TRPM3: variants seen among roughly 807,000 people sequenced by gnomAD.
The protein encoded by TRPM3 is transient receptor potential cation channel subfamily M member 3, also known as long transient receptor potential channel 3.
In TRPM3, 77 loss-of-function variants were observed where a neutral mutation model predicts 181.2. The observed-to-expected ratio is 0.42, with a 90% CI of 0.35 to 0.51. The LOEUF (loss-of-function observed/expected upper bound fraction) is 0.51, where lower values mean the gene tolerates loss of function less well. TRPM3 is among the 20% of genes least tolerant of loss of function. The pLI, the probability that TRPM3 is intolerant of heterozygous loss-of-function variation, is 0.01. For synonymous variants in TRPM3, 745 were observed against 796.4 expected, an observed-to-expected ratio of 0.94 and a Z score of 1.09; for missense variants, 1,759 against 2,196.7, an observed-to-expected ratio of 0.80 and a Z score of 3.98.
chr9:71,307,514 C>A (rs943072245), intron 1 of TRPM3, among the ~76,000 whole-genome samples: 9 of 152,034 alleles, frequency 5.9e-5, no homozygotes, highest in Admixed American at 2.6e-4. Context: ...ATTTGTACCC[C>A]AAACTGCTAA....
chr9:71,119,704 G>A (rs1051471586), intron 1 of TRPM3, among the ~76,000 whole-genome samples: 3 of 152,254 alleles, frequency 2.0e-5, no homozygotes, highest in South Asian at 4.1e-4. Flanking sequence ...TTCTTTCAGG[G>A]AGACTTAGAT....
intron 1 of TRPM3, among the ~76,000 whole-genome samples, chr9:70,984,020 C>A (rs2097395003): frequency 6.6e-6 from 1 of 152,142 alleles, no homozygotes; most frequent in Non-Finnish European, 1.5e-5. Context: ...TCAGCTCCCT[C>A]AGTCCAGCTA....
At chr9:70,988,699 T>C (rs538592973) in intron 1 of TRPM3, among the ~76,000 whole-genome samples, 1 of 152,338 alleles carries the variant, frequency 6.6e-6, no homozygotes, top group African/African-American at 2.4e-5. Flanking sequence ...TCTAATCACA[T>C]GAGCCCCGTA....
chr9:70,857,053 AG>A (rs1196805181), intron 3 of TRPM3, among the ~76,000 whole-genome samples: 25 of 152,298 alleles, frequency 1.6e-4, no homozygotes, highest in African/African-American at 5.5e-4. Context: ...TGCTCTGTAA[AG>A]GGTCCTAGAA....
intron 1 of TRPM3, among the ~76,000 whole-genome samples, chr9:71,095,758 C>CAA (rs34934062): frequency 0.05 from 4,205 of 84,900 alleles, 177 homozygotes; most frequent in African/African-American, 0.11. Flanking sequence ...GACTCTGTGT[C>CAA]AAAAAAAAAA....
intron 6 of TRPM3, among the ~76,000 whole-genome samples, chr9:70,787,112 C>A (rs1271749142): frequency 6.6e-6 from 1 of 152,172 alleles, no homozygotes; most frequent in Non-Finnish European, 1.5e-5. Context: ...TCAGTTTATT[C>A]TCTGTCAATA....
intron 1 of TRPM3, among the ~76,000 whole-genome samples, chr9:70,919,719 G>T (rs2096635818): frequency 6.6e-6 from 1 of 150,384 alleles, no homozygotes; most frequent in African/African-American, 2.5e-5. Context: ...GGGAGGTGGA[G>T]ATTGCAGTGA....
chr9:71,444,748 C>G (rs2094181597), intron 1 of TRPM3, among the ~76,000 whole-genome samples: 1 of 152,186 alleles, frequency 6.6e-6, no homozygotes, highest in South Asian at 2.1e-4. Context: ...AGTCAAAACT[C>G]TTTGTTAACA....
intron 1 of TRPM3, among the ~76,000 whole-genome samples, chr9:71,195,695 A>G (rs1212171857): frequency 6.6e-6 from 1 of 151,992 alleles, no homozygotes; most frequent in African/African-American, 2.4e-5. Context: ...TAGCAAAGAT[A>G]TAGTATCAAC....
At position 71,302,482 on chromosome 9, in the gene TRPM3, T is replaced by C. The variant is rs577972568; in HGVS notation, c.183+144171A>G. On this transcript the variant is annotated intron_variant, in intron 1 of 24. Coordinates refer to the TRPM3 transcript ENST00000357533. The stretch of plus-strand genomic sequence containing the variant: ...GTAATGAGATCAAATAATTCTAAAA[T>C]GCTGTTTGATATAATTTCATTTCTC... 3.3e-5 allele frequency among the ~76,000 whole-genome samples: 5 copies of C among 152,332 alleles called. No homozygotes were observed. The South Asian group carries it at 8.3e-4, about 25-fold the overall frequency.
chr9:71,304,321 G>C (rs1416658862), intron 1 of TRPM3, among the ~76,000 whole-genome samples: 1 of 152,150 alleles, frequency 6.6e-6, no homozygotes, highest in Admixed American at 6.5e-5. Flanking sequence ...ACTAGTGTCA[G>C]CTTTGAAAAG....
chr9:71,418,703 A>G (rs987521260), intron 1 of TRPM3, among the ~76,000 whole-genome samples: 30 of 150,700 alleles, frequency 2.0e-4, no homozygotes, highest in African/African-American at 7.3e-4. Flanking sequence ...GTCTCAACTT[A>G]AAAGGATTCC....
intron 24 of TRPM3, among the ~76,000 whole-genome samples, chr9:70,552,594 A>G (rs2046733438): frequency 6.6e-6 from 1 of 152,158 alleles, no homozygotes; most frequent in African/African-American, 2.4e-5. Context: ...CCTGCTGGAG[A>G]CTGATTGTAT....
intron 1 of TRPM3, among the ~76,000 whole-genome samples, chr9:71,416,432 A>T (rs1242885510): frequency 6.6e-6 from 1 of 151,926 alleles, no homozygotes; most frequent in African/African-American, 2.4e-5. Context: ...CAAACTGCTT[A>T]AAGATATGAA....
At chr9:71,414,156 G>C (rs977256685) in intron 1 of TRPM3, among the ~76,000 whole-genome samples, 10 of 152,028 alleles carry the variant, frequency 6.6e-5, no homozygotes, top group Admixed American at 1.3e-4. Context: ...CTCACAAGCT[G>C]CATGTCCTGT....
At chr9:71,367,662 C>A (rs565839487) in intron 1 of TRPM3, among the ~76,000 whole-genome samples, 1 of 152,188 alleles carries the variant, frequency 6.6e-6, no homozygotes, top group South Asian at 2.1e-4. Flanking sequence ...TCATCGAAAC[C>A]ATCAAATAAG....
At chr9:71,185,291 C>A (rs919295605) in intron 1 of TRPM3, among the ~76,000 whole-genome samples, 1 of 152,110 alleles carries the variant, frequency 6.6e-6, no homozygotes, top group Non-Finnish European at 1.5e-5. Context: ...CTATTCATTT[C>A]CACACTTTTC....
intron 1 of TRPM3, among the ~76,000 whole-genome samples, chr9:70,905,925 A>G (rs1327305446): frequency 6.6e-6 from 1 of 152,016 alleles, no homozygotes; most frequent in Non-Finnish European, 1.5e-5. Context: ...TTTTGTAGTG[A>G]CAGGGTCTCA....
intron 9 of TRPM3, among the ~76,000 whole-genome samples, chr9:70,653,680 A>C (rs895544678): frequency 1.0e-4 from 10 of 95,470 alleles, no homozygotes; most frequent in African/African-American, 1.9e-4. Flanking sequence ...CCTGTCTCAA[A>C]AAAAAAAAAA....
Sources: allele counts gnomAD v4.1 joint callset (sites outside exome capture counted in the v4.1 genomes callset), GRCh38; gene constraint gnomAD v4.1.1; transcripts MANE v1.5; gene names NCBI Gene and HGNC (gene_info 2026-07-23, HGNC 2026-07-21).